The following ZNF804B variants were observed in gnomAD, a reference collection of about 807,000 sequenced individuals.
ZNF804B encodes the protein zinc finger 804B.
ZNF804B carries 80 observed loss-of-function variants against 101.4 expected under a neutral mutation model. That is an observed-to-expected ratio of 0.79 (90% CI 0.66 to 0.95). The LOEUF (loss-of-function observed/expected upper bound fraction) is 0.95. Ranked by LOEUF, ZNF804B falls within the 40% of genes least tolerant of loss-of-function variation. The probability of loss-of-function intolerance (pLI) is 0.00; values close to 1 mark genes in which losing one functional copy is unlikely to be tolerated. For missense variants in ZNF804B, 1,673 were observed against 1,561.9 expected (o/e 1.07, Z -1.20); for synonymous variants, 622 against 558.8 (o/e 1.11, Z -1.59).
rs1789599080 is a variant in ZNF804B at position 89,075,280 on chromosome 7, C to T, written c.109-142875C>T. Among the ~76,000 whole-genome samples, 2 of 152,156 alleles carry T rather than the reference C, an allele frequency of 1.3e-5. 1 individual carries two copies. Among genetic ancestry groups the T allele is most frequent in the South Asian group, 4.1e-4 (2 of 4,824 alleles). ...GTCTCTACGGCAGCCCCTCCCATCACAGACCAGAGGCCTAGGAGGAAAAAA... is the reference window on the plus strand; with the variant it reads ...GTCTCTACGGCAGCCCCTCCCATCATAGACCAGAGGCCTAGGAGGAAAAAA... On this transcript the variant is annotated intron_variant, in intron 1 of 3. Transcript: ENST00000333190.
At chr7:88,793,706 C>T (rs1023843378) in intron 1 of ZNF804B, among the ~76,000 whole-genome samples, 7 of 152,072 alleles carry the variant, frequency 4.6e-5, no homozygotes, top group Admixed American at 3.3e-4. Flanking sequence ...CATTATATGT[C>T]ATATCGTAAC....
chr7:89,007,384 G>A (rs1483126041), intron 1 of ZNF804B, among the ~76,000 whole-genome samples: 1 of 141,962 alleles, frequency 7.0e-6, no homozygotes, highest in African/African-American at 2.6e-5. Flanking sequence ...GGTTTTCCGG[G>A]TTCAGGAAAC....
chr7:88,920,659 A>G (rs1792706511), intron 1 of ZNF804B, among the ~76,000 whole-genome samples: 1 of 152,030 alleles, frequency 6.6e-6, no homozygotes, highest in Non-Finnish European at 1.5e-5. Flanking sequence ...AGAGGATGGA[A>G]TGGAAAATAC....
intron 1 of ZNF804B, among the ~76,000 whole-genome samples, chr7:88,939,301 T>C (rs975185309): frequency 2.0e-4 from 31 of 151,988 alleles, no homozygotes; most frequent in African/African-American, 7.5e-4. Flanking sequence ...ATAAATATTA[T>C]ATAAATAGTT....
intron 2 of ZNF804B, among the ~76,000 whole-genome samples, chr7:89,271,600 G>T (rs1789896960): frequency 6.6e-6 from 1 of 152,140 alleles, no homozygotes; most frequent in Non-Finnish European, 1.5e-5. Flanking sequence ...AGTTAGGGAG[G>T]ATTCCCTCTG....
At chr7:88,872,617 C>A (rs1791848199) in intron 1 of ZNF804B, among the ~76,000 whole-genome samples, 1 of 151,936 alleles carries the variant, frequency 6.6e-6, no homozygotes, top group Non-Finnish European at 1.5e-5. Flanking sequence ...CATCCCTCCC[C>A]CCTGCCCCCA....
chr7:88,837,884 C>A (rs1438163497), intron 1 of ZNF804B, among the ~76,000 whole-genome samples: 19 of 151,456 alleles, frequency 1.3e-4, no homozygotes, highest in Admixed American at 1.2e-3. Context: ...ACTAATCTCC[C>A]CAAGTTTTTT....
At chr7:88,807,836 C>T (rs1268021272) in intron 1 of ZNF804B, among the ~76,000 whole-genome samples, 9 of 152,124 alleles carry the variant, frequency 5.9e-5, no homozygotes, top group African/African-American at 2.2e-4. Flanking sequence ...TACCTTTCTG[C>T]CCTCAGGAAA....
intron 1 of ZNF804B, among the ~76,000 whole-genome samples, chr7:89,077,108 C>T: frequency 4.6e-5 from 1 of 21,556 alleles, no homozygotes; most frequent in East Asian, 7.7e-4. Flanking sequence ...ATGTTGCTTT[C>T]CCTGTCATAA....
chr7:89,064,789 C>T (rs1473355342), intron 1 of ZNF804B, among the ~76,000 whole-genome samples: 2 of 152,102 alleles, frequency 1.3e-5, no homozygotes, highest in African/African-American at 4.8e-5. Flanking sequence ...ATATTCTTAA[C>T]TTCAGTGGAA....
intron 1 of ZNF804B, among the ~76,000 whole-genome samples, chr7:89,129,960 A>G (rs933837773): frequency 6.6e-6 from 1 of 152,170 alleles, no homozygotes; most frequent in Middle Eastern, 3.4e-3. Context: ...GAGAAGAATT[A>G]TATTCCCTTT....
chr7:88,935,998 C>T (rs1433587681), intron 1 of ZNF804B, among the ~76,000 whole-genome samples: 1 of 149,174 alleles, frequency 6.7e-6, no homozygotes, highest in Non-Finnish European at 1.5e-5. Flanking sequence ...CCCTCCCTTC[C>T]TCCATTTCTT....
intron 1 of ZNF804B, among the ~76,000 whole-genome samples, chr7:88,823,377 C>T (rs1476393087): frequency 1.3e-5 from 2 of 152,054 alleles, no homozygotes; most frequent in Admixed American, 1.3e-4. Flanking sequence ...AGTAATTTTT[C>T]CTGAGAATGC....
intron 1 of ZNF804B, among the ~76,000 whole-genome samples, chr7:88,925,208 G>A (rs1029437164): frequency 6.6e-6 from 1 of 152,064 alleles, no homozygotes; most frequent in Non-Finnish European, 1.5e-5. Context: ...TGTCCTCTGA[G>A]GCCATCACCA....
At chr7:89,181,574 G>A (rs1788298253) in intron 1 of ZNF804B, among the ~76,000 whole-genome samples, 1 of 152,012 alleles carries the variant, frequency 6.6e-6, no homozygotes, top group South Asian at 2.1e-4. Context: ...GCGGAATGGG[G>A]GAGGGGTGGT....
intron 2 of ZNF804B, among the ~76,000 whole-genome samples, chr7:89,261,750 G>A (rs113591759): frequency 6.6e-6 from 1 of 152,120 alleles, no homozygotes; most frequent in African/African-American, 2.4e-5. Flanking sequence ...AAGTATTTGT[G>A]TATCTAAACA....
chr7:89,006,144 C>G (rs1030687745), intron 1 of ZNF804B, among the ~76,000 whole-genome samples: 2 of 152,016 alleles, frequency 1.3e-5, no homozygotes, highest in Admixed American at 1.3e-4. Context: ...TTAAACAGGT[C>G]TCAAAGCAAG....
At chr7:89,093,425 A>T (rs1320156967) in intron 1 of ZNF804B, among the ~76,000 whole-genome samples, 3 of 152,276 alleles carry the variant, frequency 2.0e-5, no homozygotes, top group Middle Eastern at 3.4e-3. Context: ...TCAGCATTCC[A>T]TGCTGGGATC....
intron 1 of ZNF804B, among the ~76,000 whole-genome samples, chr7:89,151,699 T>TC (rs1790878974): frequency 8.1e-6 from 1 of 123,522 alleles, no homozygotes; most frequent in Non-Finnish European, 1.8e-5. Context: ...TCAGATCTCC[T>TC]GAAAAAAAAA....
Sources: gnomAD v4.1 joint callset for allele counts (sites outside exome capture counted in the v4.1 genomes callset) on GRCh38, gnomAD v4.1.1 for gene constraint, MANE v1.5 for transcripts, NCBI Gene and HGNC (gene_info 2026-07-23, HGNC 2026-07-21) for gene names.